The following CDH4 variants were observed in gnomAD, a reference collection of about 807,000 sequenced individuals.
CDH4 encodes cadherin-4.
CDH4 carries 33 observed loss-of-function variants against 86.0 expected under a neutral mutation model. The ratio of observed to expected loss-of-function variants is 0.38; its 90% CI spans 0.29 to 0.51. The LOEUF (loss-of-function observed/expected upper bound fraction) is 0.51, where lower values mean the gene tolerates loss of function less well. Among genes scored for constraint, CDH4 ranks in the 20% least tolerant of loss-of-function variants. CDH4 has a pLI of 0.86. For synonymous variants in CDH4, 555 were observed against 549.4 expected, an observed-to-expected ratio of 1.01 and a Z score of -0.14; for missense variants, 1,114 against 1,307.4, an observed-to-expected ratio of 0.85 and a Z score of 2.28.
At chr20:61,750,334 GGATAT>G (rs1411302739) in intron 3 of CDH4, among the ~76,000 whole-genome samples, 1 of 151,886 alleles carries the variant, frequency 6.6e-6, no homozygotes, top group Non-Finnish European at 1.5e-5. Context: ...GATCATTTGG[GGATAT>G]TATATACAAT....
At chr20:61,841,256 A>G (rs1043710463) in intron 4 of CDH4, among the ~76,000 whole-genome samples, 1 of 152,174 alleles carries the variant, frequency 6.6e-6, no homozygotes, top group African/African-American at 2.4e-5. Flanking sequence ...GGCCTCGGAG[A>G]AGCGCAGCGC....
chr20:61,471,286 C>A (rs1453000723), intron 2 of CDH4, among the ~76,000 whole-genome samples: 3 of 151,956 alleles, frequency 2.0e-5, no homozygotes, highest in Admixed American at 2.0e-4. Flanking sequence ...TATACCTTTC[C>A]TCTATATTTT....
chr20:61,794,627 C>T (rs1979427933), intron 4 of CDH4, among the ~76,000 whole-genome samples: 1 of 152,196 alleles, frequency 6.6e-6, no homozygotes, highest in Non-Finnish European at 1.5e-5. Context: ...GGGTGGGCAC[C>T]CACAGCTTCT....
chr20:61,385,725 C>T (rs530507466), intron 2 of CDH4, among the ~76,000 whole-genome samples: 8 of 152,248 alleles, frequency 5.3e-5, no homozygotes, highest in East Asian at 3.9e-4. Flanking sequence ...GGCTCAGGAT[C>T]GTCACAGATG....
At chr20:61,336,353 C>T (rs912788119) in intron 2 of CDH4, among the ~76,000 whole-genome samples, 2 of 152,194 alleles carry the variant, frequency 1.3e-5, no homozygotes, top group Non-Finnish European at 2.9e-5. Context: ...TCTTCCTCCT[C>T]GACCATCAAC....
At chr20:61,382,088 T>TA (rs2084905374) in intron 2 of CDH4, among the ~76,000 whole-genome samples, 2 of 90,576 alleles carry the variant, frequency 2.2e-5, no homozygotes, top group Admixed American at 1.2e-4. Flanking sequence ...AAAATAAAAA[T>TA]AAAAATAATT....
At chr20:61,791,953 G>A (rs1177318704) in intron 4 of CDH4, among the ~76,000 whole-genome samples, 3 of 152,206 alleles carry the variant, frequency 2.0e-5, no homozygotes, top group Non-Finnish European at 4.4e-5. Context: ...GCCAGTAGGA[G>A]GTTGGGTGTA....
chr20:61,351,375 A>G (rs1484943788), intron 2 of CDH4, among the ~76,000 whole-genome samples: 1 of 152,146 alleles, frequency 6.6e-6, no homozygotes, highest in East Asian at 1.9e-4. Flanking sequence ...TTCTACGCAC[A>G]CACTGTGCTA....
intron 2 of CDH4, among the ~76,000 whole-genome samples, chr20:61,729,033 T>C (rs2088146901): frequency 6.6e-6 from 1 of 152,170 alleles, no homozygotes; most frequent in African/African-American, 2.4e-5. Context: ...CCGGGAAGAA[T>C]GTCAGTCTCC....
At chr20:61,712,428 G>A (rs1454569108) in intron 2 of CDH4, among the ~76,000 whole-genome samples, 1 of 152,148 alleles carries the variant, frequency 6.6e-6, no homozygotes, top group East Asian at 1.9e-4. Flanking sequence ...TTGATCCAGA[G>A]AGGACACTTA....
At chr20:61,678,282 A>G (rs191893085) in intron 2 of CDH4, among the ~76,000 whole-genome samples, 113 of 152,140 alleles carry the variant, frequency 7.4e-4, no homozygotes, top group Middle Eastern at 3.4e-3. Flanking sequence ...TGAGATAGAT[A>G]CATGATGGAT....
At chr20:61,320,654 C>CTG (rs1600863632) in intron 2 of CDH4, among the ~76,000 whole-genome samples, 1 of 151,962 alleles carries the variant, frequency 6.6e-6, no homozygotes, top group East Asian at 1.9e-4. Flanking sequence ...AAGTGCCCTA[C>CTG]CCAGGGCTGC....
At chr20:61,806,920 G>A (rs527492561) in intron 4 of CDH4, among the ~76,000 whole-genome samples, 8 of 152,196 alleles carry the variant, frequency 5.3e-5, no homozygotes, top group Non-Finnish European at 8.8e-5. Flanking sequence ...GGTAAGAGCC[G>A]CTGCACTCCA....
intron 4 of CDH4, among the ~76,000 whole-genome samples, chr20:61,785,547 A>G (rs960604609): frequency 6.6e-6 from 1 of 152,120 alleles, no homozygotes; most frequent in Non-Finnish European, 1.5e-5. Context: ...CACCAGGTGC[A>G]CAGAGCCCTC....
At chr20:61,333,264 T>TACAC (rs11467480) in intron 2 of CDH4, among the ~76,000 whole-genome samples, 25 of 151,086 alleles carry the variant, frequency 1.7e-4, no homozygotes, top group Middle Eastern at 3.4e-3. Context: ...CACACACATG[T>TACAC]ACACACACAC....
chr20:61,578,121 C>T (rs895506879), intron 2 of CDH4, among the ~76,000 whole-genome samples: 6 of 152,190 alleles, frequency 3.9e-5, no homozygotes, highest in African/African-American at 1.4e-4. Flanking sequence ...CCCATATGTC[C>T]TCTCTGCCAG....
intron 6 of CDH4, among the ~76,000 whole-genome samples, chr20:61,867,557 A>AG: frequency 2.5e-5 from 2 of 81,606 alleles, no homozygotes; most frequent in Non-Finnish European, 5.7e-5. Context: ...CCAAAAAAAA[A>AG]AAAAAGAGAG....
At chr20:61,542,997 G>A (rs2086052000) in intron 2 of CDH4, among the ~76,000 whole-genome samples, 1 of 152,258 alleles carries the variant, frequency 6.6e-6, no homozygotes, top group Non-Finnish European at 1.5e-5. Context: ...GAGTCTAAAA[G>A]CGGAAGGACT....
At chr20:61,757,637 C>A (rs188699184) in intron 3 of CDH4, among the ~76,000 whole-genome samples, 140 of 152,356 alleles carry the variant, frequency 9.2e-4, no homozygotes, top group Non-Finnish European at 7.3e-5. Context: ...TCAGTGCAGA[C>A]ACTGCCAGGG....
Sources: allele counts gnomAD v4.1 joint callset (sites outside exome capture counted in the v4.1 genomes callset), GRCh38; gene constraint gnomAD v4.1.1; transcripts MANE v1.5; gene names NCBI Gene and HGNC (gene_info 2026-07-23, HGNC 2026-07-21).